The following SLF2 variants were observed in gnomAD, a reference collection of about 807,000 sequenced individuals.
SLF2 encodes SMC5-SMC6 complex localization factor protein 2.
In SLF2, 68 loss-of-function variants were observed where a neutral mutation model predicts 124.3. The observed-to-expected ratio is 0.55, with a 90% CI of 0.45 to 0.67. The LOEUF (loss-of-function observed/expected upper bound fraction) is 0.67, where lower values mean the gene tolerates loss of function less well. Among genes scored for constraint, SLF2 ranks in the 30% least tolerant of loss-of-function variants. SLF2 has a pLI of 0.00. For synonymous variants in SLF2, 480 were observed against 478.8 expected (o/e 1.00, Z -0.03); for missense variants, 1,246 against 1,373.7 (o/e 0.91, Z 1.47).
In SLF2 at chr10:100,916,761, C is replaced by A; in HGVS notation, c.376C>A (p.His126Asn). ...AGGTGTTAAAGAGCACCATGAAGATCATGGTATACATGAGTCACGTCGGCC... is the reference window on the plus strand; with the variant it reads ...AGGTGTTAAAGAGCACCATGAAGATAATGGTATACATGAGTCACGTCGGCC... ...MKGVKEHHED[H>N]GIHESRRPCL... Residue 126 changes from histidine (H) to asparagine (N), a missense_variant, in exon 3 of 20, where the codon CAT becomes AAT. His to Asn is a moderately conservative substitution (Grantham distance 68). Transcript: ENST00000238961. The A allele has an allele frequency of 6.2e-7, 1 of 1,607,174 alleles. No homozygotes were observed. Among genetic ancestry groups the A allele is most frequent in the South Asian group, 1.1e-5 (1 of 90,118 alleles).
At position 100,962,841 on chromosome 10, in the gene SLF2, A is replaced by ATGTG. The variant is rs34345512; in HGVS notation, c.*954_*957dup. On this transcript the variant is annotated 3_prime_UTR_variant, in exon 20 of 20. Coordinates refer to ENST00000238961, the MANE Select transcript of SLF2 (RefSeq NM_018121.4). ...ATTCTTTGGGACACTGTGTCTGTGT[A>ATGTG]TGTGTGTGTGTGTGTGTGTGTGTGT... 7.1e-3 allele frequency: 1,029 copies of ATGTG among 144,336 alleles called. 2 individuals carry two copies. Among genetic ancestry groups the ATGTG allele is most frequent in the African/African-American group, 0.011 (449 of 39,270 alleles). 8.9% of individuals were successfully genotyped at this position (144,336 alleles called of 1,614,324 possible).
intron 10 of SLF2, 138 bp from the exon 11 acceptor site, chr10:100,938,456 TA>T: frequency 1.3e-6 from 1 of 747,530 alleles, no homozygotes; most frequent in Non-Finnish European, 2.1e-6. Context: ...CCTATAACTG[TA>T]TTGTTAGCAT....
At chr10:100,943,885 AC>A (rs1043917605) in intron 11 of SLF2, 140 bp from the exon 12 acceptor site, 4 of 551,504 alleles carry the variant, frequency 7.3e-6, no homozygotes, top group African/African-American at 5.9e-5. Context: ...GATTATCAAA[AC>A]TTAAAATGGG....
At chr10:100,933,308 T>C (rs1849780611) in intron 9 of SLF2, among the ~76,000 whole-genome samples, 1 of 152,226 alleles carries the variant, frequency 6.6e-6, no homozygotes, top group African/African-American at 2.4e-5. Context: ...TTTTAATACA[T>C]TTCATATTTA....
chr10:100,926,812 A>C (rs1366298844), intron 6 of SLF2: 1 of 151,530 alleles, frequency 6.6e-6, no homozygotes, highest in Non-Finnish European at 1.5e-5. Context: ...GGGGAGGCTG[A>C]GGCAGGAGAA....
At position 100,913,121 on chromosome 10, in the gene SLF2, G is replaced by A. The variant is rs374219698; in HGVS notation, c.11G>A (p.Arg4His). Residue 4 changes from arginine to histidine, a missense_variant, in exon 1 of 20, where the codon CGC becomes CAC. Arg to His is a conservative substitution (Grantham distance 29). Around this residue, in one of 3 missense-constraint regions of SLF2, gnomAD observed 698 missense variants for 708.9 expected, o/e 0.98. Coordinates refer to ENST00000238961, the MANE Select transcript of SLF2 (RefSeq NM_018121.4). ...GCCAGCGGCGCCGACATGACAAGGCGCTGCATGCCCGCTAGGCCAGGTTTC... is the reference window on the plus strand; with the variant it reads ...GCCAGCGGCGCCGACATGACAAGGCACTGCATGCCCGCTAGGCCAGGTTTC... MTR[R>H]CMPARPGFPS... 6.2e-7 allele frequency: 1 copy of A among 1,612,494 alleles called. No homozygotes were observed. Among genetic ancestry groups the A allele is most frequent in the Non-Finnish European group, 8.5e-7 (1 of 1,179,466 alleles).
Position 100,956,553 on chromosome 10 carries a change from CT to C in SLF2, c.3417+23del, listed in dbSNP as rs751251850. ...CAGAACTAAGGTAAGTGTGTTCTTT[CT>C]TTTTTTCTTTTTTTTTTTCTTAATC... On this transcript the variant is annotated intron_variant, in intron 18 of 19. Transcript: ENST00000238961. 1.9e-5 allele frequency: 29 copies of C among 1,512,464 alleles called. No homozygotes were observed. The highest frequency in any genetic ancestry group is 1.9e-4 in the Admixed American group (9 of 48,394). 93.7% of individuals were successfully genotyped at this position (1,512,464 alleles called of 1,614,324 possible). A position where few individuals can be genotyped will look rare whatever the true frequency, so the allele number is the denominator to read the frequency against.
chr10:100,928,087 G>GAC lies in SLF2; in HGVS notation c.2043-1229_2043-1228insCA, dbSNP rs1589949380. Among the ~76,000 whole-genome samples, 168 of 46,652 alleles carry GAC rather than the reference G, an allele frequency of 3.6e-3. 27 individuals carry two copies. The highest frequency in any genetic ancestry group is 0.01 in the Non-Finnish European group (131 of 12,780). The allele number at this position is 46,652 out of a possible 152,430, so 30.6% of individuals were successfully genotyped here. A position where few individuals can be genotyped will look rare whatever the true frequency, so the allele number is the denominator to read the frequency against. ...CACACACGAGAGAGAGACAGAGAGA[G>GAC]AGAGAGAGAGAGAGAGAAAAGTTGA... On this transcript the variant is annotated intron_variant, in intron 6 of 19. Transcript: ENST00000238961.
Position 100,926,018 on chromosome 10 carries a change from AG to A in SLF2, c.2042+1del. 1 of 1,614,086 alleles carries A rather than the reference AG, an allele frequency of 6.2e-7. No homozygotes were observed. ...RLVKEMEDTQRLDELQKQLQE... is the reference protein window; with the variant it reads ...RLVKEMEDTQXLDELQKQLQE... ...AGTGAAGGAAATGGAAGACACACAAAGGTTTGTTAGCATAAAGATTAATTTG... is the reference window on the plus strand; with the variant it reads ...AGTGAAGGAAATGGAAGACACACAAAGTTTGTTAGCATAAAGATTAATTTG... On this transcript the variant is annotated frameshift_variant and splice_region_variant, in exon 6 of 20. Transcript: ENST00000238961. LOFTEE classifies it high-confidence loss of function.
chr10:100,935,864 T>G (rs1849841592), intron 9 of SLF2, among the ~76,000 whole-genome samples: 2 of 134,934 alleles, frequency 1.5e-5, no homozygotes, highest in Non-Finnish European at 3.1e-5. Flanking sequence ...TTTTTCTTTT[T>G]TTTTTTTTTT....
chr10:100,948,842 C>T (rs1161646870), intron 15 of SLF2, among the ~76,000 whole-genome samples: 2 of 152,146 alleles, frequency 1.3e-5, no homozygotes, highest in African/African-American at 2.4e-5. Flanking sequence ...GCCGAGATCA[C>T]GCCACCGCAC....
chr10:100,938,476 C>T, intron 10 of SLF2, 119 bp from the exon 11 acceptor site: 1 of 913,590 alleles, frequency 1.1e-6, no homozygotes, highest in African/African-American at 1.7e-5. Flanking sequence ...ATAAAATTAG[C>T]AGCTGTCATT....
In SLF2 at chr10:100,917,143, G is replaced by T. The variant is rs1171943441; in HGVS notation, c.758G>T (p.Arg253Ile). ...AGAGAACGAGAACTAAAGAGGTTGAGAAAGGAGCAAATGGAGCAGAGAATC... is the reference window on the plus strand; with the variant it reads ...AGAGAACGAGAACTAAAGAGGTTGATAAAGGAGCAAATGGAGCAGAGAATC... ...YCRERELKRLRKEQMEQRINS... is the reference protein window; with the variant it reads ...YCRERELKRLIKEQMEQRINS... The change falls in exon 3 of 20, where the codon AGA becomes ATA. Residue 253 changes from arginine to isoleucine, a missense_variant. Physicochemically the swap from Arg to Ile is moderately conservative, Grantham distance 97. Coordinates refer to ENST00000238961, the MANE Select transcript of SLF2 (RefSeq NM_018121.4). 1 of 1,614,038 alleles carries T rather than the reference G, an allele frequency of 6.2e-7. No homozygotes were observed. Among genetic ancestry groups the T allele is most frequent in the Non-Finnish European group, 8.5e-7 (1 of 1,180,058 alleles).
intron 17 of SLF2, among the ~76,000 whole-genome samples, chr10:100,952,836 G>T (rs1293287678): frequency 6.6e-6 from 1 of 151,488 alleles, no homozygotes; most frequent in African/African-American, 2.4e-5. Flanking sequence ...CTACTGGGGA[G>T]CCTGAGGCAG....
intron 11 of SLF2, among the ~76,000 whole-genome samples, chr10:100,940,773 C>CCCTGCCCCTGCT (rs902602590): frequency 1.6e-5 from 2 of 124,962 alleles, no homozygotes; most frequent in African/African-American, 5.9e-5. Context: ...CTCCCCCTTC[C>CCCTGCCCCTGCT]CCTGCCCCTG....
In SLF2 at chr10:100,937,418, C is replaced by G. The variant is rs1849885781; in HGVS notation, c.2453C>G (p.Thr818Arg). The G allele has an allele frequency of 1.2e-6, 2 of 1,609,194 alleles. No homozygotes were observed. The highest frequency in any genetic ancestry group is 1.7e-6 in the Non-Finnish European group (2 of 1,175,858). Residue 818 changes from threonine (T) to arginine (R), a missense_variant, in exon 10 of 20, where the codon ACA (threonine) becomes AGA (arginine). Transcript: ENST00000238961. ...TTTTGACAGATGATGTCAGTTCATACAGACTGTATTGTGTCAGTGCAGATT... is the reference window on the plus strand; with the variant it reads ...TTTTGACAGATGATGTCAGTTCATAGAGACTGTATTGTGTCAGTGCAGATT... ...KWLFRMMSVH[T>R]DCIVSVQILS...
intron 6 of SLF2, chr10:100,926,312 T>C: frequency 1.4e-6 from 2 of 1,444,042 alleles, no homozygotes; most frequent in Non-Finnish European, 1.8e-6. Flanking sequence ...CAGTCTCAAA[T>C]GAAAAAAAGA....
chr10:100,929,557 T>G, intron 7 of SLF2, 118 bp downstream of exon 7: 1 of 920,304 alleles, frequency 1.1e-6, no homozygotes. Context: ...GATAGGTTTC[T>G]GTCTGTAATG....
intron 13 of SLF2, 97 bp from the exon 14 acceptor site, chr10:100,946,942 T>C: frequency 1.1e-6 from 1 of 928,264 alleles, no homozygotes; most frequent in Non-Finnish European, 1.8e-6. Context: ...TTTGTACTAG[T>C]GCTTCCATTA....
Sources: gnomAD v4.1 joint callset for allele counts (sites outside exome capture counted in the v4.1 genomes callset) on GRCh38, gnomAD v4.1.1 for gene constraint, gnomAD v4.1.1 regional missense constraint, MANE v1.5 for transcripts, NCBI Gene and HGNC (gene_info 2026-07-23, HGNC 2026-07-21) for gene names.